The following RBKS variants were observed in gnomAD, a reference collection of about 807,000 sequenced individuals.
RBKS encodes ribokinase.
In RBKS, 33 loss-of-function variants were observed where a neutral mutation model predicts 33.9. That is an observed-to-expected ratio of 0.97 (90% CI 0.74 to 1.30). The LOEUF (loss-of-function observed/expected upper bound fraction) is 1.30. Among genes scored for constraint, RBKS ranks in the 50% most tolerant of loss-of-function variants. The probability of loss-of-function intolerance (pLI) is 0.00; values close to 1 mark genes in which losing one functional copy is unlikely to be tolerated. For synonymous variants in RBKS, 125 were observed against 143.0 expected (o/e 0.87, Z 0.90); for missense variants, 361 against 392.6 (o/e 0.92, Z 0.68).
chr2:27,802,618 G>C (rs1677820221), intron 7 of RBKS, among the ~76,000 whole-genome samples: 1 of 152,144 alleles, frequency 6.6e-6, no homozygotes, highest in African/African-American at 2.4e-5. Flanking sequence ...GGCCCAGTCA[G>C]GGACTTCTAG....
rs921823593 is a variant in RBKS, at chr2:27,826,576, G to T, written c.795+991C>A. Among the ~76,000 whole-genome samples, 39 of 151,904 alleles carry T rather than the reference G, an allele frequency of 2.6e-4. 1 individual carries two copies. Among genetic ancestry groups the T allele is most frequent in the African/African-American group, 8.7e-4 (36 of 41,378 alleles). On this transcript the variant is annotated intron_variant, in intron 7 of 7. Coordinates refer to ENST00000302188, the MANE Select transcript of RBKS (RefSeq NM_022128.3). ...GGTGTGCACCACCATGCCCAGCTAA[G>T]TTTTGTATCTTTAGTAGAATGGGGT...
rs1283947627 is a variant in RBKS, at chr2:27,843,066, C to T, written c.514+1G>A. On this transcript the variant is annotated splice_donor_variant, in intron 5 of 7. Coordinates refer to ENST00000302188, the MANE Select transcript of RBKS (RefSeq NM_022128.3). LOFTEE classifies it high-confidence loss of function. ...AAAGAATGACAAATATGTATAATTA[C>T]CTCCACTCCTGCGGGCCATTGTTAG... The T allele has an allele frequency of 6.4e-6, 10 of 1,572,706 alleles. No individual in the cohort carries two copies. The highest frequency in any genetic ancestry group is 8.6e-6 in the Non-Finnish European group (10 of 1,159,554).
chr2:27,821,609 A>G (rs1211351476), intron 7 of RBKS, among the ~76,000 whole-genome samples: 1 of 152,136 alleles, frequency 6.6e-6, no homozygotes, highest in Non-Finnish European at 1.5e-5. Context: ...CTTGAACACT[A>G]AAGTATGTAT....
chr2:27,843,538 TA>T (rs1434153724), intron 4 of RBKS, among the ~76,000 whole-genome samples: 1 of 152,202 alleles, frequency 6.6e-6, no homozygotes. Flanking sequence ...ACATTTCTTT[TA>T]TAGAAAATAG....
chr2:27,819,985 T>C (rs1232835065), intron 7 of RBKS, among the ~76,000 whole-genome samples: 1 of 152,176 alleles, frequency 6.6e-6, no homozygotes, highest in African/African-American at 2.4e-5. Flanking sequence ...TAGGAGTCCA[T>C]CCATTCAGAG....
At chr2:27,808,902 ACT>A in intron 7 of RBKS, among the ~76,000 whole-genome samples, 1 of 152,072 alleles carries the variant, frequency 6.6e-6, no homozygotes, top group East Asian at 1.9e-4. Context: ...ATCTCTGAAA[ACT>A]CTTCCATTTT....
intron 7 of RBKS, among the ~76,000 whole-genome samples, chr2:27,816,169 G>C (rs1404332150): frequency 6.6e-6 from 1 of 152,230 alleles, no homozygotes; most frequent in Non-Finnish European, 1.5e-5. Flanking sequence ...GTTACAATTA[G>C]ATTTCTAGAG....
chr2:27,829,175 A>G (rs1270463021), intron 6 of RBKS, among the ~76,000 whole-genome samples: 1 of 151,942 alleles, frequency 6.6e-6, no homozygotes, highest in African/African-American at 2.4e-5. Flanking sequence ...GATTACAGGT[A>G]TGAGCCACCA....
chr2:27,832,865 G>A (rs534260180), intron 5 of RBKS, 88 bp from the exon 6 acceptor site: 36 of 883,452 alleles, frequency 4.1e-5, no homozygotes, highest in Middle Eastern at 2.2e-4. Context: ...GAAAATCCCC[G>A]AGTTCGTTTT....
At chr2:27,799,509 C>T (rs1479321553) in intron 7 of RBKS, among the ~76,000 whole-genome samples, 1 of 152,222 alleles carries the variant, frequency 6.6e-6, no homozygotes, top group Non-Finnish European at 1.5e-5. Flanking sequence ...TCAGAGCCTA[C>T]ACTGTGGACA....
At position 27,853,437 on chromosome 2, in the gene RBKS, T is replaced by C. The variant is rs186124018; in HGVS notation, c.222+5002A>G. On this transcript the variant is annotated intron_variant, in intron 2 of 7. Transcript: ENST00000302188. Reference sequence around the variant, plus strand: ...ACTTTGGGAGGCCAAGGCAGGCAGATTGCTTGAGCTCAGGAGTTTGAGACC... The same window carrying C: ...ACTTTGGGAGGCCAAGGCAGGCAGACTGCTTGAGCTCAGGAGTTTGAGACC... Among the ~76,000 whole-genome samples, 473 of 150,658 alleles carry C rather than the reference T, an allele frequency of 3.1e-3. 1 individual carries two copies. The highest frequency in any genetic ancestry group is 0.011 in the African/African-American group (456 of 40,900).
At chr2:27,852,581 G>A (rs948213522) in intron 2 of RBKS, among the ~76,000 whole-genome samples, 17 of 152,308 alleles carry the variant, frequency 1.1e-4, no homozygotes, top group Non-Finnish European at 2.2e-4. Context: ...CAAAATGACT[G>A]AGGAATGGTT....
At chr2:27,863,495 A>G (rs1368882462) in intron 1 of RBKS, among the ~76,000 whole-genome samples, 1 of 152,244 alleles carries the variant, frequency 6.6e-6, no homozygotes, top group Non-Finnish European at 1.5e-5. Context: ...CAACTTATCA[A>G]TTGCTTTTAA....
intron 2 of RBKS, among the ~76,000 whole-genome samples, chr2:27,849,162 C>T (rs1663683446): frequency 6.6e-6 from 1 of 152,148 alleles, no homozygotes; most frequent in Middle Eastern, 3.2e-3. Context: ...TACCACTGGG[C>T]TTTTCAGTTA....
intron 7 of RBKS, among the ~76,000 whole-genome samples, chr2:27,821,829 TTA>T (rs1678217405): frequency 6.6e-6 from 1 of 152,220 alleles, no homozygotes; most frequent in Non-Finnish European, 1.5e-5. Flanking sequence ...AAAATTAGCC[TTA>T]TTACTTTACC....
intron 4 of RBKS, among the ~76,000 whole-genome samples, chr2:27,844,882 G>C (rs1192799769): frequency 6.6e-6 from 1 of 152,146 alleles, no homozygotes; most frequent in Non-Finnish European, 1.5e-5. Context: ...GGAATGAGTT[G>C]TAGCAGGCAT....
At chr2:27,842,644 G>A (rs1663532210) in intron 5 of RBKS, among the ~76,000 whole-genome samples, 1 of 151,828 alleles carries the variant, frequency 6.6e-6, no homozygotes, top group Admixed American at 6.6e-5. Flanking sequence ...TGGACAAGGG[G>A]CTGATTCAGG....
chr2:27,841,729 AACACACACACAC>A (rs35205983), intron 5 of RBKS, among the ~76,000 whole-genome samples: 1 of 142,168 alleles, frequency 7.0e-6, no homozygotes, highest in South Asian at 2.3e-4. Flanking sequence ...CACTTATATA[AACACACACACAC>A]ACACACACAC....
chr2:27,823,899 T>C (rs915740033), intron 7 of RBKS, among the ~76,000 whole-genome samples: 4 of 152,214 alleles, frequency 2.6e-5, no homozygotes, highest in Non-Finnish European at 4.4e-5. Context: ...TGAAATATAA[T>C]TCATGCATCA....
Sources: gnomAD v4.1 joint callset for allele counts (sites outside exome capture counted in the v4.1 genomes callset) on GRCh38, gnomAD v4.1.1 for gene constraint, MANE v1.5 for transcripts, NCBI Gene and HGNC (gene_info 2026-07-23, HGNC 2026-07-21) for gene names.